The following SNTG1 variants were observed in gnomAD, a reference collection of about 807,000 sequenced individuals.
SNTG1 encodes the protein gamma-1-syntrophin.
Under a neutral mutation model 74.7 loss-of-function variants are expected in SNTG1, and 39 were observed. The ratio of observed to expected loss-of-function variants is 0.52; its 90% CI spans 0.40 to 0.68. SNTG1 has a LOEUF of 0.68. SNTG1 is among the 30% of genes least tolerant of loss of function. The pLI is 0.00. For synonymous variants in SNTG1, 254 were observed against 217.1 expected (o/e 1.17, Z -1.49); for missense variants, 685 against 609.5 (o/e 1.12, Z -1.30).
intron 2 of SNTG1, among the ~76,000 whole-genome samples, chr8:50,304,440 A>AT (rs2089788195): frequency 6.6e-6 from 1 of 152,146 alleles, no homozygotes; most frequent in African/African-American, 2.4e-5. Flanking sequence ...TGAATTAATA[A>AT]TTTTTTGGAT....
At chr8:50,376,742 TATATATATATATATAG>T (rs2092391440) in intron 2 of SNTG1, among the ~76,000 whole-genome samples, 1 of 109,778 alleles carries the variant, frequency 9.1e-6, no homozygotes, top group East Asian at 2.6e-4. Flanking sequence ...TATATATATA[TATATATATATATATAG>T]AGAGAGAGAG....
At chr8:50,399,420 C>G (rs1042878365) in intron 3 of SNTG1, among the ~76,000 whole-genome samples, 1 of 152,014 alleles carries the variant, frequency 6.6e-6, no homozygotes, top group Admixed American at 6.6e-5. Flanking sequence ...ATGAGAACAC[C>G]CTGATAGCTT....
chr8:50,086,884 G>A (rs950417714), intron 1 of SNTG1, among the ~76,000 whole-genome samples: 15 of 152,252 alleles, frequency 9.9e-5, no homozygotes, highest in African/African-American at 2.9e-4. Context: ...CAAACTTGTA[G>A]GCAGCTGCAG....
At chr8:50,130,237 T>G (rs973698441) in intron 1 of SNTG1, among the ~76,000 whole-genome samples, 1 of 151,956 alleles carries the variant, frequency 6.6e-6, no homozygotes, top group African/African-American at 2.4e-5. Flanking sequence ...GAAACCAAGA[T>G]AAGTTAAGGG....
intron 2 of SNTG1, among the ~76,000 whole-genome samples, chr8:50,277,181 C>G (rs1033231768): frequency 6.7e-6 from 1 of 149,622 alleles, no homozygotes; most frequent in South Asian, 2.1e-4. Flanking sequence ...ATGGAAGACT[C>G]TCTTGAACTT....
chr8:50,292,843 GCT>G (rs2089182478), intron 2 of SNTG1, among the ~76,000 whole-genome samples: 1 of 152,110 alleles, frequency 6.6e-6, no homozygotes, highest in Non-Finnish European at 1.5e-5. Context: ...TAATGAATGA[GCT>G]CTCTCTGTAA....
At chr8:50,021,291 C>A (rs1337821249) in intron 1 of SNTG1, among the ~76,000 whole-genome samples, 1 of 152,128 alleles carries the variant, frequency 6.6e-6, no homozygotes, top group Non-Finnish European at 1.5e-5. Flanking sequence ...TTCTCACCAC[C>A]TTTATTTGAA....
At chr8:50,053,573 G>A (rs529791078) in intron 1 of SNTG1, among the ~76,000 whole-genome samples, 151 of 150,226 alleles carry the variant, frequency 1.0e-3, no homozygotes, top group South Asian at 4.2e-3. Flanking sequence ...GGTTTACAAT[G>A]AATGAATTAT....
chr8:49,942,460 C>T (rs1195145438), intron 1 of SNTG1, among the ~76,000 whole-genome samples: 2 of 152,022 alleles, frequency 1.3e-5, no homozygotes, highest in African/African-American at 4.8e-5. Context: ...AATTAATAAA[C>T]CAATATCAAT....
At position 49,961,586 on chromosome 8, in the gene SNTG1, T is replaced by A. The variant is rs1042642320; in HGVS notation, c.-103+49355T>A. On this transcript the variant is annotated intron_variant, in intron 1 of 18. Coordinates refer to ENST00000642720, the MANE Select transcript of SNTG1 (RefSeq NM_018967.5). ...CTAAATAAAAACTTCTGAGTATTTC[T>A]ACATCACTGCTAAGAATAATATTTT... 3.9e-5 allele frequency among the ~76,000 whole-genome samples: 6 copies of A among 152,376 alleles called. No homozygotes were observed. The East Asian group carries it at 9.6e-4, about 24-fold the overall frequency.
At chr8:50,132,834 G>A (rs1053170944) in intron 1 of SNTG1, among the ~76,000 whole-genome samples, 1 of 152,092 alleles carries the variant, frequency 6.6e-6, no homozygotes, top group Non-Finnish European at 1.5e-5. Context: ...CAAGCCATAA[G>A]ACAAGAATTG....
intron 4 of SNTG1, among the ~76,000 whole-genome samples, chr8:50,414,004 C>A (rs1458665341): frequency 6.6e-6 from 1 of 152,028 alleles, no homozygotes; most frequent in Admixed American, 6.6e-5. Context: ...TTAGACAATC[C>A]TATTTATATG....
intron 12 of SNTG1, among the ~76,000 whole-genome samples, chr8:50,558,598 T>C (rs780152623): frequency 2.0e-4 from 30 of 152,074 alleles, no homozygotes; most frequent in Non-Finnish European, 3.7e-4. Context: ...TTTTATCTAG[T>C]GCATTGAGGT....
chr8:50,253,903 T>G (rs1586852766), intron 2 of SNTG1, among the ~76,000 whole-genome samples: 1 of 145,450 alleles, frequency 6.9e-6, no homozygotes. Flanking sequence ...GCGAGGGGAG[T>G]AGGGAGGGAA....
At chr8:49,921,653 T>C (rs918635304) in intron 1 of SNTG1, among the ~76,000 whole-genome samples, 1 of 152,134 alleles carries the variant, frequency 6.6e-6, no homozygotes, top group Non-Finnish European at 1.5e-5. Context: ...TTTGTTGCAT[T>C]TGATCAGATC....
chr8:50,763,108 A>G (rs1193070101), intron 18 of SNTG1, among the ~76,000 whole-genome samples: 1 of 151,590 alleles, frequency 6.6e-6, no homozygotes, highest in African/African-American at 2.4e-5. Flanking sequence ...AGAGGTTTTT[A>G]CTCAGTGATT....
intron 2 of SNTG1, among the ~76,000 whole-genome samples, chr8:50,235,215 T>C (rs921471439): frequency 6.6e-5 from 10 of 151,928 alleles, no homozygotes; most frequent in African/African-American, 2.4e-4. Context: ...AACAAATGAA[T>C]GGATAAAGAA....
chr8:50,700,009 A>G (rs755335146), intron 15 of SNTG1, among the ~76,000 whole-genome samples: 3 of 152,180 alleles, frequency 2.0e-5, no homozygotes, highest in African/African-American at 7.2e-5. Context: ...ATTACCTATT[A>G]ATAAATAAAA....
chr8:50,119,190 T>C (rs182268479), intron 1 of SNTG1, among the ~76,000 whole-genome samples: 1 of 141,918 alleles, frequency 7.0e-6, no homozygotes, highest in African/African-American at 2.5e-5. Context: ...TTTCTCTATA[T>C]GGTAAAAAAT....
Sources: allele counts gnomAD v4.1 joint callset (sites outside exome capture counted in the v4.1 genomes callset), GRCh38; gene constraint gnomAD v4.1.1; transcripts MANE v1.5; gene names NCBI Gene and HGNC (gene_info 2026-07-23, HGNC 2026-07-21).